The following SLC4A7 variants were observed in gnomAD, a reference collection of about 807,000 sequenced individuals.
SLC4A7 encodes the protein sodium bicarbonate cotransporter 3.
SLC4A7 carries 51 observed loss-of-function variants against 137.6 expected under a neutral mutation model. That is an observed-to-expected ratio of 0.37 (90% CI 0.30 to 0.47). The LOEUF (loss-of-function observed/expected upper bound fraction) is 0.47, where lower values mean the gene tolerates loss of function less well. SLC4A7 is among the 20% of genes least tolerant of loss of function. SLC4A7 has a pLI of 1.00. For synonymous variants in SLC4A7, 542 were observed against 518.6 expected (o/e 1.05, Z -0.61); for missense variants, 1,247 against 1,525.4 (o/e 0.82, Z 3.04).
chr3:27,479,337 C>T (rs7616338), intron 1 of SLC4A7, among the ~76,000 whole-genome samples: 1 of 151,832 alleles, frequency 6.6e-6, no homozygotes, highest in African/African-American at 2.4e-5. Flanking sequence ...TCACGTGAGC[C>T]CAGGAAGTTG....
chr3:27,380,134 C>G (rs963047009), intron 24 of SLC4A7, among the ~76,000 whole-genome samples: 1 of 152,012 alleles, frequency 6.6e-6, no homozygotes, highest in African/African-American at 2.4e-5. Flanking sequence ...TAGTGAAACC[C>G]CGTCTTTGCT....
intron 1 of SLC4A7, among the ~76,000 whole-genome samples, chr3:27,465,022 A>C (rs748025046): frequency 1.3e-5 from 2 of 151,890 alleles, no homozygotes; most frequent in Non-Finnish European, 2.9e-5. Flanking sequence ...GCCGTGTGAC[A>C]AGAACCCGGT....
intron 1 of SLC4A7, among the ~76,000 whole-genome samples, chr3:27,475,631 A>G (rs1448312981): frequency 6.6e-6 from 1 of 152,178 alleles, no homozygotes; most frequent in Non-Finnish European, 1.5e-5. Context: ...TTTAGACTGA[A>G]TGAATCCCTT....
intron 3 of SLC4A7, among the ~76,000 whole-genome samples, chr3:27,445,121 C>G (rs1308420053): frequency 1.3e-5 from 2 of 152,186 alleles, no homozygotes; most frequent in African/African-American, 2.4e-5. Context: ...CTATTCCCAG[C>G]CTTGTGTGAA....
rs1284825853 is a variant in SLC4A7, at chr3:27,421,622, C to T, written c.1424G>A (p.Arg475Lys). ...ATGTTACTTGGAACTAACTCTTTACCTGGTTGGAACAGGGACCTCAGTCAA... is the reference window on the plus strand; with the variant it reads ...ATGTTACTTGGAACTAACTCTTTACTTGGTTGGAACAGGGACCTCAGTCAA... ...TGLTEVPVPTRFLFLLLGPAG... is the reference protein window; with the variant it reads ...TGLTEVPVPTKFLFLLLGPAG... Residue 475 changes from arginine (R) to lysine (K), a missense_variant and splice_region_variant, in exon 9 of 26, where the codon AGG becomes AAG. Coordinates refer to ENST00000454389, the MANE Select transcript of SLC4A7 (RefSeq NM_001321103.2). 6.2e-7 allele frequency: 1 copy of T among 1,606,938 alleles called. No individual in the cohort carries two copies. The highest frequency in any genetic ancestry group is 2.2e-5 in the East Asian group (1 of 44,842).
intron 24 of SLC4A7, among the ~76,000 whole-genome samples, chr3:27,382,704 G>C (rs888536726): frequency 1.3e-5 from 2 of 152,070 alleles, no homozygotes; most frequent in African/African-American, 2.4e-5. Context: ...ATATTGGAAG[G>C]CTATCAGAAA....
At chr3:27,420,102 T>C (rs1393066599) in intron 10 of SLC4A7, among the ~76,000 whole-genome samples, 3 of 151,544 alleles carry the variant, frequency 2.0e-5, no homozygotes, top group African/African-American at 2.4e-5. Context: ...GGCAGGAGAA[T>C]TGCAGTGAGC....
Position 27,395,126 on chromosome 3 carries a change from A to C in SLC4A7, c.2704-11T>G. On this transcript the variant is annotated splice_polypyrimidine_tract_variant and intron_variant, in intron 18 of 25. Coordinates refer to ENST00000454389, the MANE Select transcript of SLC4A7 (RefSeq NM_001321103.2). ...CTCTGGATGAGTAGGCTGTTAAAAAATTAAATATAATTTTCAAAAAGTCTC... is the reference window on the plus strand; with the variant it reads ...CTCTGGATGAGTAGGCTGTTAAAAACTTAAATATAATTTTCAAAAAGTCTC... The C allele has an allele frequency of 1.3e-6, 2 of 1,555,164 alleles. No individual in the cohort carries two copies. Among genetic ancestry groups the C allele is most frequent in the East Asian group, 4.5e-5 (2 of 44,438 alleles).
intron 1 of SLC4A7, among the ~76,000 whole-genome samples, chr3:27,482,563 G>C (rs189568322): frequency 1.2e-4 from 19 of 152,280 alleles, no homozygotes; most frequent in African/African-American, 4.6e-4. Context: ...CTGAGGTCAG[G>C]AGTTCCAGAC....
At chr3:27,428,235 A>G (rs1335091770) in intron 7 of SLC4A7, 1 of 154,358 alleles carries the variant, frequency 6.5e-6, no homozygotes, top group Non-Finnish European at 1.5e-5. Flanking sequence ...TTCACAATGA[A>G]ATACTCTAGT....
Position 27,436,564 on chromosome 3 carries a change from A to G in SLC4A7, c.429-16T>C. On this transcript the variant is annotated splice_polypyrimidine_tract_variant and intron_variant, in intron 4 of 25. Transcript: ENST00000454389. ...TTTCAGCCATCTGAATGCATAATGT[A>G]TAAAAATATTTTATAAGTAATGAAG... 1 of 1,538,226 alleles carries G rather than the reference A, an allele frequency of 6.5e-7. No individual in the cohort carries two copies. Among genetic ancestry groups the G allele is most frequent in the Non-Finnish European group, 8.9e-7 (1 of 1,123,516 alleles).
At chr3:27,379,195 A>C (rs2050177956) in intron 25 of SLC4A7, 54 bp downstream of exon 25, 1 of 854,078 alleles carries the variant, frequency 1.2e-6, no homozygotes, top group Non-Finnish European at 1.9e-6. Context: ...TGAAGCTATC[A>C]TAAGTAAATG....
At chr3:27,394,911 C>T (rs1241940783) in intron 19 of SLC4A7, 43 bp downstream of exon 19, 2 of 1,558,236 alleles carry the variant, frequency 1.3e-6, no homozygotes, top group Middle Eastern at 1.7e-4. Flanking sequence ...ACAGCTCAAA[C>T]CCTTGAAGAA....
rs1314878847 is a variant in SLC4A7 at position 27,397,815 on chromosome 3, T to C, written c.2590-18A>G. 2 of 1,351,784 alleles carry C rather than the reference T, an allele frequency of 1.5e-6. No individual in the cohort carries two copies. Among genetic ancestry groups the C allele is most frequent in the Admixed American group, 1.8e-5 (1 of 54,196 alleles). 83.7% of individuals were successfully genotyped at this position (1,351,784 alleles called of 1,614,324 possible). A position where few individuals can be genotyped will look rare whatever the true frequency, so the allele number is the denominator to read the frequency against. On this transcript the variant is annotated intron_variant, in intron 17 of 25. Coordinates refer to ENST00000454389, the MANE Select transcript of SLC4A7 (RefSeq NM_001321103.2). ...GATCGCACCTATGTTAAAGGGATTA[T>C]GTTAATATAAACACAGAAATACTAT...
chr3:27,407,219 C>T (rs552535704), intron 13 of SLC4A7, among the ~76,000 whole-genome samples: 1 of 151,476 alleles, frequency 6.6e-6, no homozygotes, highest in South Asian at 2.1e-4. Context: ...CGGTGGCTCA[C>T]GCCTGTAATC....
intron 25 of SLC4A7, among the ~76,000 whole-genome samples, chr3:27,378,646 G>A (rs2050130208): frequency 6.6e-6 from 1 of 152,132 alleles, no homozygotes; most frequent in Non-Finnish European, 1.5e-5. Flanking sequence ...TTATGTCAAT[G>A]GATTTGATTT....
intron 1 of SLC4A7, among the ~76,000 whole-genome samples, chr3:27,482,105 C>A (rs2059736950): frequency 6.6e-6 from 1 of 152,170 alleles, no homozygotes; most frequent in African/African-American, 2.4e-5. Flanking sequence ...TGCGCTCCAG[C>A]CTGGGTGACA....
chr3:27,426,308 C>T (rs1444227697), intron 7 of SLC4A7, among the ~76,000 whole-genome samples: 1 of 152,218 alleles, frequency 6.6e-6, no homozygotes, highest in African/African-American at 2.4e-5. Context: ...TAGCTTGGCA[C>T]ACCAAGAAGA....
intron 16 of SLC4A7, among the ~76,000 whole-genome samples, chr3:27,399,953 T>C (rs2052586045): frequency 2.6e-5 from 4 of 152,156 alleles, no homozygotes; most frequent in Non-Finnish European, 5.9e-5. Flanking sequence ...AGTCTTAAAT[T>C]ATCAGTGGGA....
Sources: gnomAD v4.1 joint callset for allele counts (sites outside exome capture counted in the v4.1 genomes callset) on GRCh38, gnomAD v4.1.1 for gene constraint, MANE v1.5 for transcripts, NCBI Gene and HGNC (gene_info 2026-07-23, HGNC 2026-07-21) for gene names.